Variants in WWOX observed in about 807,000 individuals in gnomAD.
WWOX encodes WW domain-containing oxidoreductase.
WWOX carries 69 observed loss-of-function variants against 46.2 expected under a neutral mutation model. That is an observed-to-expected ratio of 1.49 (90% CI 1.23 to 1.82). WWOX has a LOEUF of 1.82. Among genes scored for constraint, WWOX ranks in the 40% most tolerant of loss-of-function variants. WWOX has a pLI of 0.00. For missense variants in WWOX, 919 were observed against 542.6 expected (o/e 1.69, Z -6.89); for synonymous variants, 359 against 202.6 (o/e 1.77, Z -6.56).
At chr16:78,902,293 C>T (rs1313396717) in intron 8 of WWOX, among the ~76,000 whole-genome samples, 4 of 152,224 alleles carry the variant, frequency 2.6e-5, no homozygotes, top group Non-Finnish European at 4.4e-5. Context: ...AGAACTGCAT[C>T]TCTGCAGCAT....
At chr16:78,953,188 G>C (rs537747826) in intron 8 of WWOX, among the ~76,000 whole-genome samples, 11 of 152,148 alleles carry the variant, frequency 7.2e-5, no homozygotes, top group Non-Finnish European at 1.3e-4. Context: ...TGACCAGGCA[G>C]GATAACTATC....
chr16:78,923,816 T>TTTTTC (rs2045436015), intron 8 of WWOX, among the ~76,000 whole-genome samples: 2 of 126,112 alleles, frequency 1.6e-5, no homozygotes, highest in Non-Finnish European at 3.5e-5. Context: ...TTTTTTTTTT[T>TTTTTC]TCAGACGGAG....
At chr16:78,955,508 C>T (rs187306297) in intron 8 of WWOX, among the ~76,000 whole-genome samples, 3 of 152,116 alleles carry the variant, frequency 2.0e-5, no homozygotes, top group East Asian at 1.9e-4. Flanking sequence ...AAGTTCACCT[C>T]GTGTAAGCAC....
intron 8 of WWOX, among the ~76,000 whole-genome samples, chr16:78,847,727 A>G (rs2052337940): frequency 6.6e-6 from 1 of 152,088 alleles, no homozygotes; most frequent in Non-Finnish European, 1.5e-5. Context: ...ACTAAAGGCT[A>G]GGATTTGGGG....
chr16:78,569,999 A>G (rs1303005725), intron 8 of WWOX, among the ~76,000 whole-genome samples: 6 of 152,190 alleles, frequency 3.9e-5, no homozygotes, highest in African/African-American at 1.2e-4. Flanking sequence ...TTGCAGTGGG[A>G]TGGTTATCGG....
At chr16:78,214,045 G>A (rs1304126271) in intron 5 of WWOX, among the ~76,000 whole-genome samples, 1 of 152,078 alleles carries the variant, frequency 6.6e-6, no homozygotes, top group Non-Finnish European at 1.5e-5. Context: ...ACTGGGGCAG[G>A]GGCACCTGGC....
Position 78,514,509 on chromosome 16 carries a change from C to T in WWOX, c.1056+81757C>T, listed in dbSNP as rs565410408. 3.7e-4 allele frequency among the ~76,000 whole-genome samples: 57 copies of T among 152,268 alleles called. 1 individual carries two copies. Among genetic ancestry groups the T allele is most frequent in the South Asian group, 4.1e-4 (2 of 4,824 alleles). ...GCAAAGGTGAAGTGGTCCTAATCTG[C>T]GGCCCTGGTACACTTAGATAGGCAT... On this transcript the variant is annotated intron_variant, in intron 8 of 8. Transcript: ENST00000566780.
intron 8 of WWOX, among the ~76,000 whole-genome samples, chr16:78,621,756 C>T (rs752901422): frequency 1.4e-4 from 21 of 151,610 alleles, no homozygotes; most frequent in Non-Finnish European, 1.0e-4. Context: ...AGGCACTCAC[C>T]ACCATGCCTG....
chr16:79,189,439 GTGTGT>G (rs2051085903), intron 8 of WWOX, among the ~76,000 whole-genome samples: 1 of 119,578 alleles, frequency 8.4e-6, no homozygotes, highest in Non-Finnish European at 1.8e-5. Context: ...GTGTGTGTGT[GTGTGT>G]GTGTGTGTGT....
At chr16:78,797,786 G>C (rs933527457) in intron 8 of WWOX, among the ~76,000 whole-genome samples, 1 of 152,128 alleles carries the variant, frequency 6.6e-6, no homozygotes, top group Non-Finnish European at 1.5e-5. Context: ...CTAGGAGCTC[G>C]AGAACAGTCT....
intron 8 of WWOX, among the ~76,000 whole-genome samples, chr16:78,723,226 TTTATA>T (rs2048735683): frequency 6.6e-6 from 1 of 152,188 alleles, no homozygotes; most frequent in Admixed American, 6.5e-5. Flanking sequence ...TATTTTCTTC[TTTATA>T]TTATAAGTTT....
intron 8 of WWOX, among the ~76,000 whole-genome samples, chr16:79,153,516 G>T (rs8048950): frequency 6.6e-6 from 1 of 152,038 alleles, no homozygotes; most frequent in African/African-American, 2.4e-5. Context: ...AACAGCCCAC[G>T]GCAATGCACT....
At chr16:78,748,797 T>C (rs1276983979) in intron 8 of WWOX, among the ~76,000 whole-genome samples, 1 of 152,242 alleles carries the variant, frequency 6.6e-6, no homozygotes. Context: ...TCTTGCCCTC[T>C]GACACGGCAA....
At chr16:79,151,710 G>C (rs922454199) in intron 8 of WWOX, among the ~76,000 whole-genome samples, 2 of 152,174 alleles carry the variant, frequency 1.3e-5, no homozygotes, top group African/African-American at 4.8e-5. Flanking sequence ...CGTGTTGAGA[G>C]CATGCTAGTC....
chr16:79,055,289 G>C (rs948263851), intron 8 of WWOX, among the ~76,000 whole-genome samples: 1 of 152,166 alleles, frequency 6.6e-6, no homozygotes, highest in Admixed American at 6.5e-5. Context: ...AGTTCACATT[G>C]TGATAAAGAT....
At chr16:79,037,646 C>T (rs1179103822) in intron 8 of WWOX, among the ~76,000 whole-genome samples, 1 of 152,222 alleles carries the variant, frequency 6.6e-6, no homozygotes, top group Non-Finnish European at 1.5e-5. Flanking sequence ...ACCCTCCCAA[C>T]CTCCTGCAAC....
chr16:78,567,735 G>A (rs1874741740), intron 8 of WWOX, among the ~76,000 whole-genome samples: 1 of 151,290 alleles, frequency 6.6e-6, no homozygotes, highest in Non-Finnish European at 1.5e-5. Flanking sequence ...CCCTGCCTCT[G>A]TGGCTGAGTC....
chr16:78,159,425 C>A (rs1412228198), intron 4 of WWOX, among the ~76,000 whole-genome samples: 1 of 152,102 alleles, frequency 6.6e-6, no homozygotes, highest in Non-Finnish European at 1.5e-5. Context: ...AATTTACATT[C>A]CACTAAGGAA....
At chr16:78,806,786 C>A (rs1483906233) in intron 8 of WWOX, among the ~76,000 whole-genome samples, 3 of 152,168 alleles carry the variant, frequency 2.0e-5, no homozygotes, top group Non-Finnish European at 2.9e-5. Context: ...AGGAAATAGA[C>A]CCCACCTCTT....
Sources: gnomAD v4.1 joint callset for allele counts (sites outside exome capture counted in the v4.1 genomes callset) on GRCh38, gnomAD v4.1.1 for gene constraint, MANE v1.5 for transcripts, NCBI Gene and HGNC (gene_info 2026-07-23, HGNC 2026-07-21) for gene names.